The following SEMA3D variants were observed in gnomAD, a reference collection of about 807,000 sequenced individuals.
SEMA3D encodes semaphorin-3D.
In SEMA3D, 84 loss-of-function variants were observed where a neutral mutation model predicts 100.1. The ratio of observed to expected loss-of-function variants is 0.84; its 90% CI spans 0.70 to 1.01. The LOEUF (loss-of-function observed/expected upper bound fraction) is 1.01. SEMA3D is among the 50% of genes least tolerant of loss of function. The pLI is 0.00. For missense variants in SEMA3D, 875 were observed against 934.1 expected (o/e 0.94, Z 0.82); for synonymous variants, 312 against 320.7 (o/e 0.97, Z 0.29).
intron 1 of SEMA3D, among the ~76,000 whole-genome samples, chr7:85,173,301 G>T (rs944596478): frequency 6.6e-6 from 1 of 152,060 alleles, no homozygotes; most frequent in Admixed American, 6.6e-5. Context: ...TCAGAGGAGG[G>T]TGTTTAAGGC....
the SEMA3D span, among the ~76,000 whole-genome samples, chr7:85,221,599 G>A: frequency 6.6e-6 from 1 of 152,034 alleles, no homozygotes; most frequent in African/African-American, 2.4e-5. Context: ...AAAACAGATA[G>A]CTAAGTGTGT....
intron 18 of SEMA3D, among the ~76,000 whole-genome samples, chr7:85,005,303 TTAAA>T (rs969922634): frequency 1.3e-5 from 2 of 152,048 alleles, no homozygotes; most frequent in Admixed American, 6.6e-5. Context: ...TATTTTGAAA[TTAAA>T]TAATCATTTC....
At chr7:85,079,388 CAGCAAAA>C (rs1388500242) in intron 5 of SEMA3D, among the ~76,000 whole-genome samples, 6 of 152,112 alleles carry the variant, frequency 3.9e-5, no homozygotes, top group African/African-American at 1.4e-4. Context: ...CTACAGACTT[CAGCAAAA>C]AGCAAAAAGC....
chr7:85,139,720 G>A (rs1463933741), intron 2 of SEMA3D, among the ~76,000 whole-genome samples: 3 of 151,952 alleles, frequency 2.0e-5, no homozygotes, highest in Non-Finnish European at 2.9e-5. Flanking sequence ...ACATGGCATT[G>A]GTTGTAGGAT....
In SEMA3D at chr7:85,150,369, T is replaced by TATA. The variant is rs1491472352; in HGVS notation, c.-41+3236_-41+3238dup. ...GAAATATATATATATATATATATAT[T>TATA]ATATATATATACACACACACATATA... is the stretch of plus-strand genomic sequence containing the variant. On this transcript the variant is annotated intron_variant, in intron 2 of 18. Coordinates refer to ENST00000284136, the MANE Select transcript of SEMA3D (RefSeq NM_001384900.1). Among the ~76,000 whole-genome samples, 792 of 94,714 alleles carry TATA rather than the reference T, an allele frequency of 8.4e-3. 22 individuals carry two copies. The highest frequency in any genetic ancestry group is 0.024 in the African/African-American group (607 of 25,440). The allele number at this position is 94,714 out of a possible 152,430, so 62.1% of individuals were successfully genotyped here. A position where few individuals can be genotyped will look rare whatever the true frequency, so the allele number is the denominator to read the frequency against.
chr7:85,183,641 T>C (rs1457367733), intron 1 of SEMA3D, among the ~76,000 whole-genome samples: 1 of 152,248 alleles, frequency 6.6e-6, no homozygotes, highest in East Asian at 1.9e-4. Flanking sequence ...AAATCATTAG[T>C]AAAGACTTAC....
chr7:85,037,043 A>T lies in SEMA3D; in HGVS notation c.1047-10T>A. On this transcript the variant is annotated splice_polypyrimidine_tract_variant and intron_variant, in intron 11 of 18. Coordinates refer to ENST00000284136, the MANE Select transcript of SEMA3D (RefSeq NM_001384900.1). ...GCCTTTGAAGATGGAGCTGGAAAAA[A>T]AAAGCATCATCATTCAATCATTCAC... The T allele has an allele frequency of 6.2e-7, 1 of 1,609,934 alleles. No individual in the cohort carries two copies. The highest frequency in any genetic ancestry group is 1.1e-5 in the South Asian group (1 of 90,610).
rs535390536 is a variant in SEMA3D at position 85,146,166 on chromosome 7, G to T, written c.-41+7442C>A. ...TTCTTATCCAATCGACTTTATATTTGTATGACATCTTACAGTTCTTTAATG... is the reference window on the plus strand; with the variant it reads ...TTCTTATCCAATCGACTTTATATTTTTATGACATCTTACAGTTCTTTAATG... On this transcript the variant is annotated intron_variant, in intron 2 of 18. Coordinates refer to ENST00000284136, the MANE Select transcript of SEMA3D (RefSeq NM_001384900.1). Among the ~76,000 whole-genome samples the T allele has an allele frequency of 5.9e-5, 9 of 152,186 alleles. No homozygotes were observed. In the East Asian group the frequency reaches 1.7e-3, roughly 29 times the overall value.
chr7:85,062,601 TA>T (rs1791507682), intron 8 of SEMA3D, among the ~76,000 whole-genome samples: 1 of 152,176 alleles, frequency 6.6e-6, no homozygotes, highest in Non-Finnish European at 1.5e-5. Context: ...ACAAGATCTA[TA>T]ACATTCACAA....
chr7:85,087,956 T>C (rs1417783904), intron 4 of SEMA3D, among the ~76,000 whole-genome samples: 1 of 152,196 alleles, frequency 6.6e-6, no homozygotes, highest in Non-Finnish European at 1.5e-5. Flanking sequence ...CATAAAGTTA[T>C]AGTTTAAACA....
intron 3 of SEMA3D, among the ~76,000 whole-genome samples, chr7:85,116,356 TATA>T (rs1177278747): frequency 6.8e-6 from 1 of 146,372 alleles, no homozygotes; most frequent in Non-Finnish European, 1.5e-5. Flanking sequence ...ATTTATATAT[TATA>T]ATATATTTAT....
intron 1 of SEMA3D, among the ~76,000 whole-genome samples, chr7:85,166,833 T>G (rs1462742898): frequency 1.3e-5 from 2 of 151,956 alleles, no homozygotes; most frequent in Non-Finnish European, 1.5e-5. Context: ...AAGCCCCGTT[T>G]TATTTTTGAC....
At chr7:85,166,866 A>G (rs1444061253) in intron 1 of SEMA3D, among the ~76,000 whole-genome samples, 1 of 152,044 alleles carries the variant, frequency 6.6e-6, no homozygotes, top group East Asian at 1.9e-4. Flanking sequence ...AAGGGCTGGA[A>G]GAACTTTAAA....
At position 85,055,759 on chromosome 7, in the gene SEMA3D, G is replaced by C. The variant is rs1435678451; in HGVS notation, c.819C>G (p.Thr273=). Residue 273 remains threonine (T), a synonymous_variant, in exon 9 of 19, where the codon ACC becomes ACG. Transcript: ENST00000284136. ...CTCGAGAAAGGATGGTTTTATCGGA[G>C]GTACTGCCTTCTTGAGATGATTCAC... ...FFRESSQEGS[T]SDKTILSRVG... The C allele has an allele frequency of 6.4e-7, 1 of 1,562,022 alleles. No individual in the cohort carries two copies. Among genetic ancestry groups the C allele is most frequent in the African/African-American group, 1.4e-5 (1 of 72,988 alleles).
intron 1 of SEMA3D, among the ~76,000 whole-genome samples, chr7:85,180,330 A>G (rs2732758): frequency 0.99 from 151,069 of 152,242 alleles, 74,958 homozygotes; most frequent in Middle Eastern, 1. Flanking sequence ...TTCCCCTTCC[A>G]CTATGATTAT....
At chr7:85,142,793 A>G (rs532271989) in intron 2 of SEMA3D, 1 of 985,008 alleles carries the variant, frequency 1.0e-6, no homozygotes, top group African/African-American at 1.7e-5. Flanking sequence ...TGAATGGAAT[A>G]ACCTTTTCTC....
intron 2 of SEMA3D, 154 bp from the exon 3 acceptor site, chr7:85,122,085 T>G (rs567496238): frequency 2.1e-6 from 1 of 474,792 alleles, no homozygotes; most frequent in Non-Finnish European, 3.7e-6. Flanking sequence ...CAGGGCCTGT[T>G]GGGGGCTGGG....
At chr7:85,216,357 T>TTGTGTGTGTGTG in the SEMA3D span, among the ~76,000 whole-genome samples, 4 of 146,152 alleles carry the variant, frequency 2.7e-5, no homozygotes, top group East Asian at 2.0e-4. Flanking sequence ...AATAAGAGTG[T>TTGTGTGTGTGTG]TGTGTGTGTG....
At chr7:85,016,250 CT>C (rs59812080) in intron 15 of SEMA3D, among the ~76,000 whole-genome samples, 5,482 of 128,640 alleles carry the variant, frequency 0.043, 127 homozygotes, top group South Asian at 0.077. Context: ...TTTGTGATTC[CT>C]TTTTTTTTTT....
Sources: allele counts gnomAD v4.1 joint callset (sites outside exome capture counted in the v4.1 genomes callset), GRCh38; gene constraint gnomAD v4.1.1; transcripts MANE v1.5; gene names NCBI Gene and HGNC (gene_info 2026-07-23, HGNC 2026-07-21).